The following TACC1 variants were observed in gnomAD, a reference collection of about 807,000 sequenced individuals.
TACC1 encodes transforming acidic coiled-coil containing protein 1, also known as transforming acidic coiled-coil-containing protein 1.
TACC1 carries 48 observed loss-of-function variants against 84.4 expected under a neutral mutation model. That is an observed-to-expected ratio of 0.57 (90% CI 0.45 to 0.72). The LOEUF (loss-of-function observed/expected upper bound fraction) is 0.72. TACC1 is among the 30% of genes least tolerant of loss of function. The probability of loss-of-function intolerance (pLI) is 0.00; values close to 1 mark genes in which losing one functional copy is unlikely to be tolerated. For missense variants in TACC1, 920 were observed against 973.0 expected (o/e 0.95, Z 0.72); for synonymous variants, 372 against 376.3 (o/e 0.99, Z 0.13).
At chr8:38,809,319 G>A (rs1341883530) in intron 2 of TACC1, among the ~76,000 whole-genome samples, 2 of 150,720 alleles carry the variant, frequency 1.3e-5, no homozygotes, top group East Asian at 2.0e-4. Flanking sequence ...GTGAGGAGAT[G>A]TGCCACGGCT....
At chr8:38,735,862 G>A (rs1346745618) in intron 1 of TACC1, among the ~76,000 whole-genome samples, 2 of 152,228 alleles carry the variant, frequency 1.3e-5, no homozygotes, top group Non-Finnish European at 1.5e-5. Context: ...CTGTAGGAAA[G>A]GAAGATGTCC....
intron 12 of TACC1, among the ~76,000 whole-genome samples, chr8:38,847,679 TAAC>T (rs1042009884): frequency 5.6e-4 from 86 of 152,316 alleles, no homozygotes; most frequent in African/African-American, 2.0e-3. Context: ...ATTCCTCTGA[TAAC>T]AAGAAAATTG....
At chr8:38,773,245 G>A (rs368328344) in intron 3 of TACC1, among the ~76,000 whole-genome samples, 1 of 151,870 alleles carries the variant, frequency 6.6e-6, no homozygotes, top group Non-Finnish European at 1.5e-5. Flanking sequence ...AGAATTGCTT[G>A]AAATTGGAAA....
At chr8:38,784,567 C>CA (rs545249667), upstream of TACC1, among the ~76,000 whole-genome samples, 3,575 of 128,318 alleles carry the variant, frequency 0.028, 105 homozygotes, top group African/African-American at 0.084. Context: ...GACTCCATCT[C>CA]AAAAAAAAAA....
chr8:38,811,837 C>T (rs993148358), intron 2 of TACC1, among the ~76,000 whole-genome samples: 12 of 152,146 alleles, frequency 7.9e-5, no homozygotes, highest in African/African-American at 2.4e-4. Context: ...CCTGTGGGGT[C>T]GGGCAGAATA....
intron 1 of TACC1, among the ~76,000 whole-genome samples, chr8:38,740,861 T>C (rs896828146): frequency 6.6e-6 from 1 of 152,212 alleles, no homozygotes; most frequent in African/African-American, 2.4e-5. Flanking sequence ...AAAGCATGGC[T>C]CTGATGTTGT....
chr8:38,758,251 GC>G (rs1810493489), intron 3 of TACC1, among the ~76,000 whole-genome samples: 1 of 152,200 alleles, frequency 6.6e-6, no homozygotes, highest in Admixed American at 6.5e-5. Flanking sequence ...CACAAAAGCA[GC>G]CTGGACCGCG....
At chr8:38,736,007 G>A (rs750896940) in intron 1 of TACC1, among the ~76,000 whole-genome samples, 8 of 152,082 alleles carry the variant, frequency 5.3e-5, no homozygotes, top group Non-Finnish European at 1.0e-4. Context: ...GGGGTCTACC[G>A]GCCGGTACTC....
intron 3 of TACC1, among the ~76,000 whole-genome samples, chr8:38,777,769 T>C (rs994256403): frequency 2.6e-5 from 4 of 152,166 alleles, no homozygotes; most frequent in Admixed American, 6.5e-5. Context: ...CATTTCAGCC[T>C]GGACAATAGA....
chr8:38,792,272 T>C (rs1476197359), intron 2 of TACC1, among the ~76,000 whole-genome samples: 1 of 152,200 alleles, frequency 6.6e-6, no homozygotes, highest in African/African-American at 2.4e-5. Flanking sequence ...GGAATGGACT[T>C]TTGAGGAGGT....
intron 3 of TACC1, among the ~76,000 whole-genome samples, chr8:38,746,798 A>G (rs552558120): frequency 6.6e-6 from 1 of 152,338 alleles, no homozygotes; most frequent in Non-Finnish European, 1.5e-5. Context: ...ATCAACTATT[A>G]AACAGTGCAG....
chr8:38,823,595 T>A (rs1827350280), intron 3 of TACC1, among the ~76,000 whole-genome samples: 1 of 152,226 alleles, frequency 6.6e-6, no homozygotes, highest in South Asian at 2.1e-4. Flanking sequence ...AGTAGCCTTT[T>A]TCCCCTATTC....
intron 2 of TACC1, among the ~76,000 whole-genome samples, chr8:38,789,054 A>G (rs1266878317): frequency 6.6e-6 from 1 of 152,180 alleles, no homozygotes; most frequent in Non-Finnish European, 1.5e-5. Context: ...CATTCCTACT[A>G]GGCCTTTCTC....
At chr8:38,793,965 A>G (rs1046795931) in intron 2 of TACC1, among the ~76,000 whole-genome samples, 10 of 152,260 alleles carry the variant, frequency 6.6e-5, no homozygotes, top group African/African-American at 2.4e-4. Flanking sequence ...AATTTGGGAA[A>G]ATGGCTTTAA....
At chr8:38,752,066 G>A (rs1188308859) in intron 3 of TACC1, among the ~76,000 whole-genome samples, 1 of 152,196 alleles carries the variant, frequency 6.6e-6, no homozygotes, top group Non-Finnish European at 1.5e-5. Context: ...AGCATAAGTA[G>A]CATTCTGGGG....
In TACC1 at chr8:38,820,019, C is replaced by T. The variant is rs974760646; in HGVS notation, c.775C>T (p.Leu259Phe). Residue 259 changes from leucine to phenylalanine, a missense_variant, in exon 3 of 13, where the codon CTC becomes TTC. Physicochemically the swap from Leu to Phe is conservative, Grantham distance 22. This residue lies in a region of TACC1 where 762 missense variants were observed against 747.3 expected (regional missense o/e 1.02). Coordinates refer to ENST00000317827, the MANE Select transcript of TACC1 (RefSeq NM_006283.3). ...DTNAAVEGTPLPKASYHFSPE... is the reference protein window; with the variant it reads ...DTNAAVEGTPFPKASYHFSPE... ...CAACGCTGCTGTGGAGGGCACACCT[C>T]TCCCCAAGGCATCCTATCACTTCAG... The T allele has an allele frequency of 6.2e-7, 1 of 1,614,072 alleles. No homozygotes were observed. Among genetic ancestry groups the T allele is most frequent in the Non-Finnish European group, 8.5e-7 (1 of 1,180,046 alleles).
chr8:38,777,308 C>T (rs1474599371), intron 3 of TACC1, among the ~76,000 whole-genome samples: 2 of 151,826 alleles, frequency 1.3e-5, no homozygotes, highest in African/African-American at 4.8e-5. Flanking sequence ...GAACAGTCCT[C>T]AGGCAGCAAT....
chr8:38,743,246 A>G (rs1213504581), intron 2 of TACC1, among the ~76,000 whole-genome samples: 1 of 152,202 alleles, frequency 6.6e-6, no homozygotes, highest in Admixed American at 6.5e-5. Context: ...GCAAAGATGA[A>G]TTCAGAGTAA....
At chr8:38,817,919 T>TA (rs60301511) in intron 2 of TACC1, among the ~76,000 whole-genome samples, 889 of 47,850 alleles carry the variant, frequency 0.019, 90 homozygotes, top group African/African-American at 0.061. Flanking sequence ...GAGAGACCCC[T>TA]AAAAAAAAAA....
Sources: allele counts gnomAD v4.1 joint callset (sites outside exome capture counted in the v4.1 genomes callset), GRCh38; gene constraint gnomAD v4.1.1; regional missense constraint gnomAD v4.1.1; transcripts MANE v1.5; gene names NCBI Gene and HGNC (gene_info 2026-07-23, HGNC 2026-07-21).